The following TCF20 variants were observed in gnomAD, a reference collection of about 807,000 sequenced individuals.
TCF20 encodes the protein transcription factor 20, also known as SPRE-binding protein.
In TCF20, 3 loss-of-function variants were observed where a neutral mutation model predicts 148.6. The ratio of observed to expected loss-of-function variants is 0.02; its 90% confidence interval spans 0.01 to 0.05. The LOEUF is 0.05. TCF20 is among the 10% of genes least tolerant of loss of function. The probability of loss-of-function intolerance (pLI) is 1.00; values close to 1 mark genes in which losing one functional copy is unlikely to be tolerated. For missense variants in TCF20, 2,350 were observed against 2,429.3 expected (o/e 0.97, Z 0.69); for synonymous variants, 1,049 against 909.5 (o/e 1.15, Z -2.76).
intron 1 of TCF20, among the ~76,000 whole-genome samples, chr22:42,322,354 C>A (rs943324779): frequency 6.6e-6 from 1 of 151,800 alleles, no homozygotes; most frequent in Admixed American, 6.6e-5. Flanking sequence ...AGGCTGGCTG[C>A]CAATCTGGCT....
At chr22:42,215,444 G>A in intron 1 of TCF20, 103 bp from the exon 2 acceptor site, 7 of 1,381,652 alleles carry the variant, frequency 5.1e-6, no homozygotes, top group Non-Finnish European at 6.7e-6. Context: ...AGGCCCAGAT[G>A]AAGCTGACTG....
chr22:42,185,950 T>C (rs1238029744), intron 2 of TCF20, among the ~76,000 whole-genome samples: 1 of 152,214 alleles, frequency 6.6e-6, no homozygotes, highest in Admixed American at 6.6e-5. Flanking sequence ...CTTGTCCAGT[T>C]CTTCTCAGGT....
chr22:42,198,411 C>T (rs1484741176), intron 2 of TCF20, among the ~76,000 whole-genome samples: 2 of 152,174 alleles, frequency 1.3e-5, no homozygotes, highest in East Asian at 3.9e-4. Context: ...TTCCTGGCAT[C>T]CATGGAGGAC....
intron 1 of TCF20, among the ~76,000 whole-genome samples, chr22:42,318,533 C>T (rs1347179219): frequency 6.6e-6 from 1 of 152,118 alleles, no homozygotes; most frequent in Non-Finnish European, 1.5e-5. Flanking sequence ...AGACGAAGAA[C>T]AGAGGCTGGC....
chr22:42,166,253 T>G (rs1935778545), intron 5 of TCF20, among the ~76,000 whole-genome samples: 1 of 152,230 alleles, frequency 6.6e-6, no homozygotes, highest in South Asian at 2.1e-4. Context: ...GACGACTCTC[T>G]TCAATGGGTG....
chr22:42,211,429 C>G lies in TCF20; in HGVS notation c.3877G>C (p.Asp1293His), dbSNP rs374767438. 116 of 1,614,080 alleles carry G rather than the reference C, an allele frequency of 7.2e-5. No individual in the cohort carries two copies. The highest frequency in any genetic ancestry group is 9.5e-5 in the Non-Finnish European group (112 of 1,180,042). The change falls in exon 2 of 6, where the codon GAT (aspartate) becomes CAT (histidine). Residue 1293 changes from aspartate to histidine, a missense_variant. Transcript: ENST00000677622. The part of the protein sequence containing the change: ...RLLHSSKEGA[D>H]KAFNSYAHLS... ...TGGGCATAGGAATTGAATGCTTTAT[C>G]AGCGCCTTCTTTTGATGAGTGAAGG...
intron 1 of TCF20, among the ~76,000 whole-genome samples, chr22:42,243,820 C>T (rs1003683298): frequency 2.0e-5 from 3 of 152,150 alleles, no homozygotes; most frequent in Non-Finnish European, 4.4e-5. Context: ...ACTAACATTT[C>T]TCTTAAAAAG....
rs756066449 is a variant in TCF20 at position 42,214,871 on chromosome 22, G to T, written c.435C>A (p.Gly145=). The change falls in exon 2 of 6, where the codon GGC becomes GGA. Residue 145 remains glycine, a synonymous_variant. Coordinates refer to ENST00000677622, the MANE Select transcript of TCF20 (RefSeq NM_001378418.1). ...GCTGATAATGTGACACACCGCCAAG[G>T]CCAGAGTGCTGTGCTTGAAACTGGC... ...HVGQFQAQHS[G]LGGVSHYQQD... 16 of 1,614,040 alleles carry T rather than the reference G, an allele frequency of 9.9e-6. No individual in the cohort carries two copies. In the East Asian group the frequency reaches 3.3e-4, roughly 34 times the overall value.
intron 5 of TCF20, among the ~76,000 whole-genome samples, chr22:42,167,732 CT>C (rs548593517): frequency 6.6e-6 from 1 of 151,748 alleles, no homozygotes; most frequent in Non-Finnish European, 1.5e-5. Flanking sequence ...AATTTTTTTT[CT>C]TTTTTTGAGA....
Position 42,160,099 on chromosome 22 carries a change from CTATTT to C in TCF20, c.*1299_*1303del, listed in dbSNP as rs1255210595. 1.3e-5 allele frequency: 2 copies of C among 152,418 alleles called. No homozygotes were observed. Among genetic ancestry groups the C allele is most frequent in the Non-Finnish European group, 2.9e-5 (2 of 68,012 alleles). The allele number at this position is 152,418 out of a possible 1,614,324, so 9.4% of individuals were successfully genotyped here. A position where few individuals can be genotyped will look rare whatever the true frequency, so the allele number is the denominator to read the frequency against. On this transcript the variant is annotated 3_prime_UTR_variant, in exon 6 of 6. Coordinates refer to ENST00000677622, the MANE Select transcript of TCF20 (RefSeq NM_001378418.1). ...TTAAATAAAACTGTTTGTGAAACAG[CTATTT>C]TATCCCCATGGCAGAGTGACCCCTG...
At chr22:42,187,597 G>A (rs1038053787) in intron 2 of TCF20, among the ~76,000 whole-genome samples, 18 of 152,284 alleles carry the variant, frequency 1.2e-4, no homozygotes, top group Admixed American at 3.9e-4. Flanking sequence ...CTTGGATTCT[G>A]TTTTGATCCA....
chr22:42,207,262 C>G (rs1938447454), intron 2 of TCF20, among the ~76,000 whole-genome samples: 1 of 152,164 alleles, frequency 6.6e-6, no homozygotes, highest in Admixed American at 6.5e-5. Context: ...CCACACAACC[C>G]TACCATCCTC....
At chr22:42,334,727 T>C (rs1355291474) in intron 1 of TCF20, among the ~76,000 whole-genome samples, 1 of 152,218 alleles carries the variant, frequency 6.6e-6, no homozygotes, top group Non-Finnish European at 1.5e-5. Flanking sequence ...GTCATCCCCA[T>C]TTTACAGATG....
At chr22:42,244,944 A>ATGG (rs1924781681) in intron 1 of TCF20, among the ~76,000 whole-genome samples, 1 of 152,024 alleles carries the variant, frequency 6.6e-6, no homozygotes, top group African/African-American at 2.4e-5. Flanking sequence ...TCAGCTGGGC[A>ATGG]TGGTGGTGCG....
chr22:42,180,590 T>C (rs1936721907), intron 2 of TCF20, among the ~76,000 whole-genome samples: 1 of 152,204 alleles, frequency 6.6e-6, no homozygotes, highest in South Asian at 2.1e-4. Flanking sequence ...AGACAGAAAC[T>C]TGTTCCTGCT....
chr22:42,315,114 A>C (rs1927605297), intron 1 of TCF20, among the ~76,000 whole-genome samples: 2 of 152,086 alleles, frequency 1.3e-5, no homozygotes, highest in Non-Finnish European at 2.9e-5. Flanking sequence ...AGACCCAAGC[A>C]GGGAGGGGGC....
intron 1 of TCF20, among the ~76,000 whole-genome samples, chr22:42,304,030 C>T (rs369324717): frequency 6.6e-6 from 1 of 152,076 alleles, no homozygotes; most frequent in East Asian, 1.9e-4. Flanking sequence ...TGCCCCACCC[C>T]CCTGCCGCAA....
At chr22:42,255,623 G>A (rs976378212) in intron 1 of TCF20, among the ~76,000 whole-genome samples, 4 of 152,116 alleles carry the variant, frequency 2.6e-5, no homozygotes, top group Non-Finnish European at 5.9e-5. Flanking sequence ...AAAATTTCCT[G>A]TAAATCCATT....
chr22:42,329,518 G>C (rs942589535), intron 1 of TCF20, among the ~76,000 whole-genome samples: 1 of 152,256 alleles, frequency 6.6e-6, no homozygotes, highest in Non-Finnish European at 1.5e-5. Context: ...CATGAATGCC[G>C]AGCCAGAACG....
Sources: allele counts gnomAD v4.1 joint callset (sites outside exome capture counted in the v4.1 genomes callset), GRCh38; gene constraint gnomAD v4.1.1; transcripts MANE v1.5; gene names NCBI Gene and HGNC (gene_info 2026-07-23, HGNC 2026-07-21).